NRG1: variants seen among roughly 807,000 people sequenced by gnomAD.
NRG1 encodes neuregulin 1, also known as pro-neuregulin-1, membrane-bound isoform.
NRG1 carries 18 observed loss-of-function variants against 63.8 expected under a neutral mutation model. The ratio of observed to expected loss-of-function variants is 0.28; its 90% confidence interval spans 0.19 to 0.42. The LOEUF (loss-of-function observed/expected upper bound fraction) is 0.42, where lower values mean the gene tolerates loss of function less well. Ranked by LOEUF, NRG1 falls within the 10% of genes least tolerant of loss-of-function variation. The pLI is 1.00. For synonymous variants in NRG1, 302 were observed against 301.3 expected (o/e 1.00, Z -0.02); for missense variants, 762 against 814.7 (o/e 0.94, Z 0.79).
intron 1 of NRG1, among the ~76,000 whole-genome samples, chr8:31,968,309 G>A (rs1421616662): frequency 6.6e-6 from 1 of 152,152 alleles, no homozygotes; most frequent in Non-Finnish European, 1.5e-5. Context: ...AACCCAGAAT[G>A]TCCTAACTGG....
intron 1 of NRG1, among the ~76,000 whole-genome samples, chr8:32,335,398 G>A (rs958146982): frequency 6.6e-6 from 1 of 152,124 alleles, no homozygotes; most frequent in African/African-American, 2.4e-5. Flanking sequence ...ATTCTCCTCT[G>A]TCCTCAGGTA....
intron 1 of NRG1, among the ~76,000 whole-genome samples, chr8:32,204,212 G>T (rs1843786145): frequency 6.6e-6 from 1 of 152,212 alleles, no homozygotes; most frequent in Non-Finnish European, 1.5e-5. Context: ...AGTCCAGATT[G>T]TGTTGGGCTT....
At chr8:32,070,960 A>G (rs1299090758) in intron 1 of NRG1, among the ~76,000 whole-genome samples, 1 of 152,134 alleles carries the variant, frequency 6.6e-6, no homozygotes, top group Non-Finnish European at 1.5e-5. Flanking sequence ...CCGTGTTCTC[A>G]GTTTCCAGCA....
intron 1 of NRG1, among the ~76,000 whole-genome samples, chr8:32,425,024 T>C (rs544854059): frequency 4.6e-5 from 7 of 152,328 alleles, no homozygotes; most frequent in South Asian, 2.1e-4. Flanking sequence ...TTGGTACTTA[T>C]TGAAAAGCAG....
chr8:32,095,270 G>A (rs1326938756), intron 1 of NRG1, among the ~76,000 whole-genome samples: 1 of 152,174 alleles, frequency 6.6e-6, no homozygotes, highest in African/African-American at 2.4e-5. Context: ...GATAACATGA[G>A]CAGAGACTGT....
At chr8:32,264,911 A>C (rs946651424) in intron 1 of NRG1, among the ~76,000 whole-genome samples, 1 of 152,214 alleles carries the variant, frequency 6.6e-6, no homozygotes, top group Non-Finnish European at 1.5e-5. Flanking sequence ...TATGCAAAGA[A>C]AAAGTTCAAC....
chr8:31,851,019 C>T (rs1827162072), intron 1 of NRG1, among the ~76,000 whole-genome samples: 1 of 152,166 alleles, frequency 6.6e-6, no homozygotes, highest in African/African-American at 2.4e-5. Context: ...TGGCCATATA[C>T]TCAGTGCCTC....
At chr8:32,129,056 G>A (rs1218421592) in intron 1 of NRG1, among the ~76,000 whole-genome samples, 1 of 151,856 alleles carries the variant, frequency 6.6e-6, no homozygotes, top group African/African-American at 2.4e-5. Context: ...CACAATAGTC[G>A]GTTCTGCCTC....
At chr8:31,643,226 A>G (rs1037079302) in intron 1 of NRG1, among the ~76,000 whole-genome samples, 2 of 152,220 alleles carry the variant, frequency 1.3e-5, no homozygotes, top group East Asian at 3.8e-4. Context: ...CCCTCACCTA[A>G]CATGAAGCTG....
intron 1 of NRG1, among the ~76,000 whole-genome samples, chr8:31,772,671 T>A (rs1229737959): frequency 6.6e-6 from 1 of 152,108 alleles, no homozygotes; most frequent in East Asian, 1.9e-4. Flanking sequence ...TGCTTCTCAC[T>A]CCTAACATGA....
intron 1 of NRG1, among the ~76,000 whole-genome samples, chr8:32,363,696 A>C (rs1807543032): frequency 6.6e-6 from 1 of 152,092 alleles, no homozygotes; most frequent in Non-Finnish European, 1.5e-5. Flanking sequence ...CCCTCCTTTA[A>C]AAAGTTATCT....
intron 1 of NRG1, among the ~76,000 whole-genome samples, chr8:32,118,477 T>G (rs528839630): frequency 2.6e-5 from 4 of 152,214 alleles, no homozygotes; most frequent in African/African-American, 9.6e-5. Flanking sequence ...GATCATTGCT[T>G]CTTACACATT....
chr8:31,676,418 G>A (rs748789447), intron 1 of NRG1, among the ~76,000 whole-genome samples: 8 of 151,780 alleles, frequency 5.3e-5, no homozygotes, highest in Admixed American at 1.3e-4. Flanking sequence ...AGATTTCCTC[G>A]TGTCAGGGAC....
intron 1 of NRG1, among the ~76,000 whole-genome samples, chr8:32,441,621 A>G (rs1242669510): frequency 1.3e-5 from 2 of 152,050 alleles, no homozygotes; most frequent in Non-Finnish European, 2.9e-5. Context: ...GCTGTCTTTA[A>G]AATAATAATA....
chr8:32,294,413 C>T (rs1854597904), intron 1 of NRG1, among the ~76,000 whole-genome samples: 1 of 152,168 alleles, frequency 6.6e-6, no homozygotes, highest in Non-Finnish European at 1.5e-5. Flanking sequence ...GGAAAAAAGA[C>T]TTGTCATTAA....
At chr8:31,869,884 C>T (rs1269343579) in intron 1 of NRG1, among the ~76,000 whole-genome samples, 1 of 152,078 alleles carries the variant, frequency 6.6e-6, no homozygotes, top group Non-Finnish European at 1.5e-5. Context: ...CAGGGTGTGA[C>T]CTTATTGGAT....
At chr8:32,613,546 A>T (rs1465874544) in intron 3 of NRG1, among the ~76,000 whole-genome samples, 2 of 152,046 alleles carry the variant, frequency 1.3e-5, no homozygotes, top group Non-Finnish European at 2.9e-5. Flanking sequence ...ATTAATTTAA[A>T]CATAAAATTA....
chr8:31,971,342 C>G (rs1295922001), intron 1 of NRG1, among the ~76,000 whole-genome samples: 1 of 152,086 alleles, frequency 6.6e-6, no homozygotes, highest in African/African-American at 2.4e-5. Flanking sequence ...GCTAGGAAAT[C>G]TTTGCCTAAC....
rs188051806 is a variant in NRG1 at position 31,725,626 on chromosome 8, A to G, written c.37+86195A>G. ...GTTTTATTCCAGAGCCAATCTCTTT[A>G]TAATAAAGAAAGCAACTGAAAATGG... is the stretch of plus-strand genomic sequence containing the variant. On this transcript the variant is annotated intron_variant, in intron 1 of 10. Transcript: ENST00000519301. Among the ~76,000 whole-genome samples the G allele has an allele frequency of 3.5e-3, 537 of 152,318 alleles. 2 individuals are homozygous for G. Among genetic ancestry groups the G allele is most frequent in the Middle Eastern group, 6.8e-3 (2 of 294 alleles).
Sources: gnomAD v4.1 joint callset for allele counts (sites outside exome capture counted in the v4.1 genomes callset) on GRCh38, gnomAD v4.1.1 for gene constraint, MANE v1.5 for transcripts, NCBI Gene and HGNC (gene_info 2026-07-23, HGNC 2026-07-21) for gene names.